The following BLTP3B variants were observed in gnomAD, a reference collection of about 807,000 sequenced individuals.
BLTP3B encodes UHRF1 (ICBP90) binding protein 1-like.
At chr12:100,116,094 C>T in the BLTP3B span, among the ~76,000 whole-genome samples, 1 of 151,510 alleles carries the variant, frequency 6.6e-6, no homozygotes, top group South Asian at 2.1e-4. Flanking sequence ...ATCACTCGAA[C>T]CCAGGAGGCA....
At chr12:100,046,384 T>C in the BLTP3B span, among the ~76,000 whole-genome samples, 1 of 152,146 alleles carries the variant, frequency 6.6e-6, no homozygotes, top group East Asian at 1.9e-4. Context: ...CACCATGGAA[T>C]ACTATGCAGC....
At chr12:100,053,462 G>T in the BLTP3B span, among the ~76,000 whole-genome samples, 1 of 152,106 alleles carries the variant, frequency 6.6e-6, no homozygotes, top group African/African-American at 2.4e-5. Flanking sequence ...AAATGGATAA[G>T]AAGAGATGTG....
chr12:100,053,060 T>C, the BLTP3B span, among the ~76,000 whole-genome samples: 3 of 151,602 alleles, frequency 2.0e-5, no homozygotes, highest in Non-Finnish European at 2.9e-5. Context: ...CCCAAAATGC[T>C]GGGATTACAG....
chr12:100,071,885 C>T, the BLTP3B span, among the ~76,000 whole-genome samples: 1 of 152,196 alleles, frequency 6.6e-6, no homozygotes, highest in Non-Finnish European at 1.5e-5. Flanking sequence ...CTTTATTCTA[C>T]AAATAACCTA....
the BLTP3B span, among the ~76,000 whole-genome samples, chr12:100,107,383 A>C: frequency 6.6e-6 from 1 of 151,686 alleles, no homozygotes; most frequent in East Asian, 1.9e-4. Context: ...GAGACCCTTA[A>C]AAATCTCAAA....
chr12:100,071,353 C>T, the BLTP3B span, among the ~76,000 whole-genome samples: 1 of 151,778 alleles, frequency 6.6e-6, no homozygotes, highest in African/African-American at 2.4e-5. Flanking sequence ...AAAAATTAGC[C>T]GGGAGTGTTG....
At chr12:100,089,535 G>A in the BLTP3B span, among the ~76,000 whole-genome samples, 2 of 151,996 alleles carry the variant, frequency 1.3e-5, no homozygotes, top group African/African-American at 4.8e-5. Flanking sequence ...ACTCCAGCCT[G>A]GGTAACAGAG....
chr12:100,060,800 A>T, the BLTP3B span, among the ~76,000 whole-genome samples: 1 of 152,348 alleles, frequency 6.6e-6, no homozygotes. Flanking sequence ...TATTCTAAAA[A>T]TTCAGACATA....
chr12:100,093,214 G>A, the BLTP3B span, among the ~76,000 whole-genome samples: 3 of 152,280 alleles, frequency 2.0e-5, no homozygotes, highest in East Asian at 3.9e-4. Context: ...TTCTGCAGAT[G>A]CCTCATGGAT....
the BLTP3B span, among the ~76,000 whole-genome samples, chr12:100,106,828 A>G: frequency 1.3e-5 from 2 of 152,230 alleles, no homozygotes; most frequent in Admixed American, 6.5e-5. Context: ...AAAAATTAAA[A>G]GTGACCATCA....
At chr12:100,047,178 GAA>G in the BLTP3B span, among the ~76,000 whole-genome samples, 2 of 152,100 alleles carry the variant, frequency 1.3e-5, no homozygotes. Context: ...ATTTAACTTC[GAA>G]ATTTGAGTAG....
the BLTP3B span, chr12:100,048,328 A>G: frequency 2.1e-6 from 2 of 936,760 alleles, no homozygotes; most frequent in South Asian, 5.2e-5. Flanking sequence ...TATAGTACAT[A>G]TACAATATAC....
the BLTP3B span, chr12:100,070,296 T>C: frequency 1.7e-6 from 2 of 1,172,542 alleles, no homozygotes; most frequent in South Asian, 4.4e-5. Context: ...ATTAATTTTT[T>C]TTTTTTTGAG....
the BLTP3B span, among the ~76,000 whole-genome samples, chr12:100,132,006 G>A: frequency 6.6e-6 from 1 of 152,138 alleles, no homozygotes; most frequent in East Asian, 1.9e-4. Flanking sequence ...TGGCCAGGCT[G>A]GTCTCGAACT....
the BLTP3B span, among the ~76,000 whole-genome samples, chr12:100,101,619 G>C: frequency 6.6e-6 from 1 of 152,094 alleles, no homozygotes; most frequent in East Asian, 1.9e-4. Flanking sequence ...CAAAAAAGCA[G>C]ACAACATATT....
chr12:100,065,727 G>C, the BLTP3B span, among the ~76,000 whole-genome samples: 3 of 152,162 alleles, frequency 2.0e-5, no homozygotes, highest in South Asian at 6.2e-4. Flanking sequence ...ATGCACAGCT[G>C]AACATAGACC....
the BLTP3B span, among the ~76,000 whole-genome samples, chr12:100,043,869 C>T: frequency 6.6e-5 from 10 of 152,316 alleles, no homozygotes; most frequent in East Asian, 1.7e-3. Context: ...ACCTCAGTAT[C>T]TTGTTGGGGA....
the BLTP3B span, among the ~76,000 whole-genome samples, chr12:100,109,161 T>C: frequency 4.3e-4 from 2 of 4,702 alleles, no homozygotes; most frequent in Non-Finnish European, 5.3e-4. Context: ...GCAGTTTTCC[T>C]CTCTCTCTCT....
At chr12:100,123,445 C>T in the BLTP3B span, among the ~76,000 whole-genome samples, 1 of 152,134 alleles carries the variant, frequency 6.6e-6, no homozygotes, top group Non-Finnish European at 1.5e-5. Context: ...TGACCGTGTG[C>T]GTGGAGTTTT....
Sources: allele counts gnomAD v4.1 joint callset (sites outside exome capture counted in the v4.1 genomes callset), GRCh38; gene constraint gnomAD v4.1.1; transcripts MANE v1.5; gene names NCBI Gene and HGNC (gene_info 2026-07-23, HGNC 2026-07-21).